HCRTR2: variants seen among roughly 807,000 people sequenced by gnomAD.
HCRTR2 encodes hypocretin receptor 2, also known as orexin receptor type 2.
HCRTR2 carries 22 observed loss-of-function variants against 49.0 expected under a neutral mutation model. The observed-to-expected ratio is 0.45, with a 90% CI of 0.32 to 0.64. The LOEUF is 0.64. Ranked by LOEUF, HCRTR2 falls within the 30% of genes least tolerant of loss-of-function variation. The probability of loss-of-function intolerance (pLI) is 0.04; values close to 1 mark genes in which losing one functional copy is unlikely to be tolerated. For synonymous variants in HCRTR2, 236 were observed against 205.3 expected, an observed-to-expected ratio of 1.15 and a Z score of -1.28; for missense variants, 491 against 559.4, an observed-to-expected ratio of 0.88 and a Z score of 1.23.
upstream of HCRTR2, among the ~76,000 whole-genome samples, chr6:55,173,547 A>G (rs2127268311): frequency 6.6e-6 from 1 of 152,346 alleles, no homozygotes; most frequent in Non-Finnish European, 1.5e-5. Context: ...ATGGCAGGTG[A>G]CATCAGCCCT....
chr6:55,125,061 T>C (rs1406053360), intron 1 of HCRTR2, among the ~76,000 whole-genome samples: 1 of 152,176 alleles, frequency 6.6e-6, no homozygotes, highest in Non-Finnish European at 1.5e-5. Flanking sequence ...CTTGACTCTT[T>C]ATCCAATTTG....
intron 1 of HCRTR2, among the ~76,000 whole-genome samples, chr6:55,158,674 T>C (rs1764763276): frequency 6.6e-6 from 1 of 152,142 alleles, no homozygotes; most frequent in Admixed American, 6.5e-5. Context: ...CCTCACAGTG[T>C]AAACAAAGCC....
At chr6:55,254,844 T>G (rs551613271) in intron 2 of HCRTR2, among the ~76,000 whole-genome samples, 2 of 152,060 alleles carry the variant, frequency 1.3e-5, no homozygotes, top group Non-Finnish European at 2.9e-5. Context: ...AGTAATTATT[T>G]AAAGAATGCC....
At chr6:55,176,876 A>C (rs569572931) in intron 1 of HCRTR2, among the ~76,000 whole-genome samples, 2 of 152,328 alleles carry the variant, frequency 1.3e-5, no homozygotes, top group South Asian at 2.1e-4. Flanking sequence ...TCTTCACCAA[A>C]AACCTTTCCA....
At chr6:55,141,201 C>T (rs1254872481) in intron 1 of HCRTR2, among the ~76,000 whole-genome samples, 8 of 150,206 alleles carry the variant, frequency 5.3e-5, no homozygotes, top group East Asian at 1.9e-4. Flanking sequence ...AAAAATTAAC[C>T]GGGCGTGGTG....
chr6:55,264,513 C>G (rs980934789), intron 4 of HCRTR2, among the ~76,000 whole-genome samples: 2 of 151,920 alleles, frequency 1.3e-5, no homozygotes, highest in Non-Finnish European at 2.9e-5. Flanking sequence ...AATTCATAGT[C>G]TAGAGGAGGG....
At chr6:55,165,923 G>T (rs1764871768) in intron 1 of HCRTR2, among the ~76,000 whole-genome samples, 1 of 151,598 alleles carries the variant, frequency 6.6e-6, no homozygotes, top group Non-Finnish European at 1.5e-5. Flanking sequence ...CTTTACTCAG[G>T]AGGCAAATAC....
At chr6:55,177,930 C>T (rs1765068677) in intron 1 of HCRTR2, among the ~76,000 whole-genome samples, 1 of 152,096 alleles carries the variant, frequency 6.6e-6, no homozygotes, top group Non-Finnish European at 1.5e-5. Flanking sequence ...ATTTTAAGTT[C>T]TAAGGAAGGA....
chr6:55,213,046 G>A (rs1331420237), intron 1 of HCRTR2, among the ~76,000 whole-genome samples: 5 of 151,792 alleles, frequency 3.3e-5, no homozygotes, highest in Non-Finnish European at 5.9e-5. Flanking sequence ...ACTCTCAAGG[G>A]CGAGAAGAAA....
At chr6:55,197,972 C>T (rs962308718) in intron 1 of HCRTR2, among the ~76,000 whole-genome samples, 3 of 152,154 alleles carry the variant, frequency 2.0e-5, no homozygotes. Context: ...AGCTGTAACT[C>T]TAATTGTAAA....
intron 1 of HCRTR2, among the ~76,000 whole-genome samples, chr6:55,157,971 C>G (rs115994789): frequency 3.4e-4 from 52 of 152,338 alleles, no homozygotes; most frequent in Non-Finnish European, 6.6e-4. Context: ...TGCCCAGAAA[C>G]TGATGAACAT....
At chr6:55,108,920 G>C (rs1033970270) in intron 1 of HCRTR2, among the ~76,000 whole-genome samples, 18 of 152,096 alleles carry the variant, frequency 1.2e-4, no homozygotes, top group African/African-American at 4.3e-4. Context: ...TGTAGCCTGG[G>C]GCAAGTTCCC....
intron 1 of HCRTR2, among the ~76,000 whole-genome samples, chr6:55,156,940 T>C (rs1026414037): frequency 1.3e-5 from 2 of 152,120 alleles, no homozygotes; most frequent in Non-Finnish European, 2.9e-5. Flanking sequence ...TATTTAATGG[T>C]GGAAGACTGA....
intron 1 of HCRTR2, among the ~76,000 whole-genome samples, chr6:55,134,771 T>C (rs896877291): frequency 6.6e-6 from 1 of 152,042 alleles, no homozygotes; most frequent in Non-Finnish European, 1.5e-5. Flanking sequence ...TAGCATAATG[T>C]CCTCCAGGTT....
At chr6:55,257,417 G>A (rs1766673915) in intron 3 of HCRTR2, among the ~76,000 whole-genome samples, 1 of 151,938 alleles carries the variant, frequency 6.6e-6, no homozygotes, top group Non-Finnish European at 1.5e-5. Flanking sequence ...ATTGCTATTA[G>A]ATAAAATATA....
intron 1 of HCRTR2, among the ~76,000 whole-genome samples, chr6:55,194,738 TTTAA>T (rs1368100577): frequency 7.2e-5 from 11 of 152,100 alleles, no homozygotes; most frequent in African/African-American, 2.7e-4. Flanking sequence ...GAGTTTGGTA[TTTAA>T]TTATGTGTGT....
chr6:55,238,771 C>G (rs1315471010), intron 1 of HCRTR2, among the ~76,000 whole-genome samples: 1 of 151,890 alleles, frequency 6.6e-6, no homozygotes, highest in Non-Finnish European at 1.5e-5. Context: ...TCAATAAGAA[C>G]AACTAAAGAA....
intron 5 of HCRTR2, among the ~76,000 whole-genome samples, chr6:55,279,224 C>A (rs1288174137): frequency 1.3e-5 from 2 of 151,660 alleles, no homozygotes; most frequent in Non-Finnish European, 2.9e-5. Flanking sequence ...ATTTATTTAT[C>A]CTTGCATATG....
At chr6:55,218,109 C>T (rs546681324) in intron 1 of HCRTR2, among the ~76,000 whole-genome samples, 1 of 152,270 alleles carries the variant, frequency 6.6e-6, no homozygotes, top group African/African-American at 2.4e-5. Flanking sequence ...TTATAACAGA[C>T]CCACTCTTGA....
Sources: allele counts gnomAD v4.1 joint callset (sites outside exome capture counted in the v4.1 genomes callset), GRCh38; gene constraint gnomAD v4.1.1; transcripts MANE v1.5; gene names NCBI Gene and HGNC (gene_info 2026-07-23, HGNC 2026-07-21).